The following CDH9 variants were observed in gnomAD, a reference collection of about 807,000 sequenced individuals.
The protein encoded by CDH9 is cadherin-9.
A neutral mutation model predicts 70.9 loss-of-function variants in CDH9; 28 were observed. The observed-to-expected ratio is 0.40, with a 90% CI of 0.29 to 0.54. CDH9 has a LOEUF of 0.54. CDH9 is among the 20% of genes least tolerant of loss of function. The pLI, the probability that CDH9 is intolerant of heterozygous loss-of-function variation, is 0.59. For synonymous variants in CDH9, 409 were observed against 343.1 expected (o/e 1.19, Z -2.12); for missense variants, 874 against 984.4 (o/e 0.89, Z 1.50).
intron 1 of CDH9, among the ~76,000 whole-genome samples, chr5:27,026,848 A>T (rs1418566654): frequency 6.6e-6 from 1 of 152,044 alleles, no homozygotes; most frequent in Non-Finnish European, 1.5e-5. Flanking sequence ...ACTTGCAAGT[A>T]TGCAATCATT....
Position 26,988,197 on chromosome 5 carries a change from T to G in CDH9, c.137A>C (p.Lys46Thr). The stretch of plus-strand genomic sequence containing the variant: ...GCCACGCTTGGTGCGACGTAGCATT[T>G]TACCGTCATCTTTTGTCAGACCCGC... ...KIAGLTKDDG[K>T]MLRRTKRGWM... is the part of the protein sequence containing the mutation. Residue 46 changes from lysine to threonine, a missense_variant, in exon 2 of 12, where the codon AAA becomes ACA. By Grantham distance (78) the Lys-to-Thr change is moderately conservative. Transcript: ENST00000231021. The G allele has an allele frequency of 6.2e-7, 1 of 1,613,528 alleles. No homozygotes were observed. The highest frequency in any genetic ancestry group is 8.5e-7 in the Non-Finnish European group (1 of 1,179,642).
intron 3 of CDH9, among the ~76,000 whole-genome samples, chr5:26,911,506 A>G (rs1006409824): frequency 2.0e-5 from 3 of 152,086 alleles, no homozygotes; most frequent in Admixed American, 2.0e-4. Context: ...TAGGAAGAGG[A>G]CTGGATAGGT....
At chr5:27,016,935 C>A (rs1226729640) in intron 1 of CDH9, among the ~76,000 whole-genome samples, 1 of 151,848 alleles carries the variant, frequency 6.6e-6, no homozygotes, top group Non-Finnish European at 1.5e-5. Flanking sequence ...GGAGTGTTAA[C>A]AAGTGTTGTC....
Position 26,940,206 on chromosome 5 carries a change from T to TA in CDH9, c.229-24283dup, listed in dbSNP as rs1288053740. 4.0e-5 allele frequency among the ~76,000 whole-genome samples: 6 copies of TA among 151,744 alleles called. No homozygotes were observed. The East Asian group carries it at 1.2e-3, about 29-fold the overall frequency. ...GAGATTTTTTTGACAAATTACCTAGTAAAAAATGAGAGTATGTATAGGATG... is the reference window on the plus strand; with the variant it reads ...GAGATTTTTTTGACAAATTACCTAGTAAAAAAATGAGAGTATGTATAGGATG... On this transcript the variant is annotated intron_variant, in intron 2 of 11. Transcript: ENST00000231021.
chr5:26,990,779 C>T (rs1163763679), intron 1 of CDH9, among the ~76,000 whole-genome samples: 1 of 152,140 alleles, frequency 6.6e-6, no homozygotes, highest in Non-Finnish European at 1.5e-5. Flanking sequence ...ACACTGGTTA[C>T]CCTGGTTTCT....
intron 1 of CDH9, among the ~76,000 whole-genome samples, chr5:27,023,286 TC>T (rs1447415437): frequency 6.6e-6 from 1 of 152,066 alleles, no homozygotes; most frequent in Non-Finnish European, 1.5e-5. Flanking sequence ...ATAAATCAAT[TC>T]TTTCTTCTTC....
At position 26,932,459 on chromosome 5, in the gene CDH9, A is replaced by C. The variant is rs1014367021; in HGVS notation, c.229-16535T>G. ...GTCATCAAAATTAAGATCTCATCAA[A>C]AGAAAATCCATTTTGATGGTGTTCT... On this transcript the variant is annotated intron_variant, in intron 2 of 11. Transcript: ENST00000231021. Among the ~76,000 whole-genome samples, 4 of 152,120 alleles carry C rather than the reference A, an allele frequency of 2.6e-5. No homozygotes were observed. The South Asian group carries it at 8.3e-4, about 31-fold the overall frequency.
intron 2 of CDH9, among the ~76,000 whole-genome samples, chr5:26,919,873 G>A (rs1741214155): frequency 6.6e-6 from 1 of 152,092 alleles, no homozygotes; most frequent in Non-Finnish European, 1.5e-5. Flanking sequence ...CCTGGACCCT[G>A]AATTATCAGC....
chr5:26,984,982 T>C (rs1742465279), intron 2 of CDH9, among the ~76,000 whole-genome samples: 1 of 152,154 alleles, frequency 6.6e-6, no homozygotes, highest in Non-Finnish European at 1.5e-5. Flanking sequence ...TTATCTTAAC[T>C]CATTTTCTTA....
chr5:27,006,585 T>A (rs1171167004), intron 1 of CDH9, among the ~76,000 whole-genome samples: 3 of 152,152 alleles, frequency 2.0e-5, no homozygotes, highest in Admixed American at 2.0e-4. Context: ...AGGGCCAGGA[T>A]GTGTAAGAGG....
chr5:27,034,138 C>T (rs144917113), intron 1 of CDH9, among the ~76,000 whole-genome samples: 140 of 151,770 alleles, frequency 9.2e-4, no homozygotes, highest in Middle Eastern at 3.4e-3. Context: ...TTTCTTTCAA[C>T]ATCGAATACA....
At chr5:26,945,678 A>G (rs1350341106) in intron 2 of CDH9, among the ~76,000 whole-genome samples, 1 of 152,162 alleles carries the variant, frequency 6.6e-6, no homozygotes, top group Non-Finnish European at 1.5e-5. Flanking sequence ...ACATTTTCTT[A>G]TATTATTGAT....
intron 1 of CDH9, among the ~76,000 whole-genome samples, chr5:26,988,911 T>C (rs1742534883): frequency 1.3e-5 from 2 of 152,018 alleles, no homozygotes; most frequent in South Asian, 4.1e-4. Flanking sequence ...AATTATATGG[T>C]ACCAAATATA....
intron 2 of CDH9, among the ~76,000 whole-genome samples, chr5:26,975,229 A>G (rs538919171): frequency 6.6e-6 from 1 of 152,288 alleles, no homozygotes; most frequent in Admixed American, 6.5e-5. Context: ...TGCGAGATCT[A>G]GACCGGAAGT....
At chr5:26,891,285 A>G (rs1270622882) in intron 7 of CDH9, among the ~76,000 whole-genome samples, 1 of 152,232 alleles carries the variant, frequency 6.6e-6, no homozygotes. Context: ...TTTACACAGC[A>G]AAAGTAATTT....
chr5:27,001,886 G>A (rs189334386), intron 1 of CDH9, among the ~76,000 whole-genome samples: 7 of 135,566 alleles, frequency 5.2e-5, no homozygotes, highest in East Asian at 2.0e-4. Flanking sequence ...TCAACAAAAC[G>A]CTGCTACATT....
intron 1 of CDH9, among the ~76,000 whole-genome samples, chr5:26,992,877 A>G (rs1217302117): frequency 6.6e-6 from 1 of 152,120 alleles, no homozygotes; most frequent in Non-Finnish European, 1.5e-5. Flanking sequence ...CGGGCGGATC[A>G]CCTGAGGTCA....
chr5:26,890,763 A>G, intron 7 of CDH9, 199 bp from the exon 8 acceptor site: 1 of 528,670 alleles, frequency 1.9e-6, no homozygotes, highest in South Asian at 2.4e-5. Context: ...TTACTATATT[A>G]TCCTATGTGT....
intron 1 of CDH9, among the ~76,000 whole-genome samples, chr5:27,032,558 T>C (rs1332889542): frequency 6.6e-6 from 1 of 151,672 alleles, no homozygotes; most frequent in Non-Finnish European, 1.5e-5. Flanking sequence ...CTTCCAACAG[T>C]TGAACCTATT....
Sources: gnomAD v4.1 joint callset for allele counts (sites outside exome capture counted in the v4.1 genomes callset) on GRCh38, gnomAD v4.1.1 for gene constraint, MANE v1.5 for transcripts, NCBI Gene and HGNC (gene_info 2026-07-23, HGNC 2026-07-21) for gene names.